RGS7: variants seen among roughly 807,000 people sequenced by gnomAD.
RGS7 encodes regulator of G protein signaling 7, also known as regulator of G-protein signaling 7.
In RGS7, 27 loss-of-function variants were observed where a neutral mutation model predicts 81.1. The ratio of observed to expected loss-of-function variants is 0.33; its 90% CI spans 0.25 to 0.46. RGS7 has a LOEUF of 0.46. Ranked by LOEUF, RGS7 falls within the 20% of genes least tolerant of loss-of-function variation. The pLI, the probability that RGS7 is intolerant of heterozygous loss-of-function variation, is 1.00. For missense variants in RGS7, 396 were observed against 607.4 expected (o/e 0.65, Z 3.66); for synonymous variants, 208 against 207.7 (o/e 1.00, Z -0.01).
intron 3 of RGS7, among the ~76,000 whole-genome samples, chr1:241,071,688 A>G (rs1287116164): frequency 6.6e-6 from 1 of 151,710 alleles, no homozygotes; most frequent in African/African-American, 2.4e-5. Flanking sequence ...ATTTTAAGGT[A>G]TAATTTTACT....
chr1:240,967,569 G>C lies in RGS7; in HGVS notation c.226+15510C>G, dbSNP rs1017815515. Among the ~76,000 whole-genome samples the C allele has an allele frequency of 7.3e-5, 7 of 96,032 alleles. No homozygotes were observed. The South Asian group carries it at 1.8e-3, about 24-fold the overall frequency. The allele number at this position is 96,032 out of a possible 152,430, so 63.0% of individuals were successfully genotyped here. ...GGTCAAAGTGATTGTGCCAAGAAGT[G>C]GGGGGGGGGGGGAAAAGGCTGTAGC... On this transcript the variant is annotated intron_variant, in intron 4 of 18. Coordinates refer to ENST00000440928, the MANE Select transcript of RGS7 (RefSeq NM_001364886.1).
intron 4 of RGS7, among the ~76,000 whole-genome samples, chr1:240,980,051 T>C (rs1036229898): frequency 1.3e-5 from 2 of 152,308 alleles, no homozygotes; most frequent in East Asian, 1.9e-4. Flanking sequence ...ATTATACATA[T>C]ATGTAAACTA....
At chr1:241,222,867 A>G (rs1337766466) in intron 2 of RGS7, among the ~76,000 whole-genome samples, 1 of 117,414 alleles carries the variant, frequency 8.5e-6, no homozygotes, top group Non-Finnish European at 1.6e-5. Flanking sequence ...CCCTATGTCC[A>G]TGTGTTCTCA....
At chr1:241,059,051 T>C (rs2061615993) in intron 3 of RGS7, among the ~76,000 whole-genome samples, 2 of 152,194 alleles carry the variant, frequency 1.3e-5, no homozygotes, top group Non-Finnish European at 2.9e-5. Flanking sequence ...TCTAATATTG[T>C]TAACTATCCC....
At chr1:241,024,722 G>C (rs920788206) in intron 3 of RGS7, among the ~76,000 whole-genome samples, 1 of 152,166 alleles carries the variant, frequency 6.6e-6, no homozygotes, top group East Asian at 1.9e-4. Flanking sequence ...ATTGTGGAGA[G>C]AGATGTATAT....
intron 3 of RGS7, among the ~76,000 whole-genome samples, chr1:240,997,216 A>G (rs1188611600): frequency 6.6e-6 from 1 of 151,872 alleles, no homozygotes; most frequent in Non-Finnish European, 1.5e-5. Flanking sequence ...GGCTCAAGTA[A>G]TTTTCCTATT....
At position 241,102,387 on chromosome 1, in the gene RGS7, G is replaced by A. The variant is rs113479017; in HGVS notation, c.79-3625C>T. 2.3e-3 allele frequency among the ~76,000 whole-genome samples: 352 copies of A among 152,252 alleles called. 2 individuals are homozygous for A. Among genetic ancestry groups the A allele is most frequent in the African/African-American group, 8.1e-3 (338 of 41,560 alleles). The stretch of plus-strand genomic sequence containing the variant: ...AGTTCATGGCCATGATGGGATGGGG[G>A]GTGGGACACACCTCGTTGTACCCCT... On this transcript the variant is annotated intron_variant, in intron 2 of 18. Coordinates refer to ENST00000440928, the MANE Select transcript of RGS7 (RefSeq NM_001364886.1).
intron 2 of RGS7, among the ~76,000 whole-genome samples, chr1:241,122,588 G>A (rs1285843268): frequency 1.3e-5 from 2 of 150,970 alleles, no homozygotes; most frequent in African/African-American, 2.4e-5. Context: ...CTTGAACCCC[G>A]AGAGGCAGAG....
chr1:241,345,926 G>T (rs2082868426), intron 2 of RGS7, among the ~76,000 whole-genome samples: 1 of 4,356 alleles, frequency 2.3e-4, no homozygotes, highest in Admixed American at 6.9e-3. Context: ...TGAGGCAGGA[G>T]AATCACTTGA....
intron 2 of RGS7, among the ~76,000 whole-genome samples, chr1:241,133,134 A>G (rs1042798764): frequency 6.6e-6 from 1 of 152,210 alleles, no homozygotes; most frequent in Non-Finnish European, 1.5e-5. Flanking sequence ...ATTGTATTGT[A>G]GTACATTGTA....
At chr1:241,094,331 G>A (rs1196250610) in intron 3 of RGS7, among the ~76,000 whole-genome samples, 1 of 152,018 alleles carries the variant, frequency 6.6e-6, no homozygotes, top group East Asian at 1.9e-4. Context: ...AAGCCCAGGG[G>A]AGAGAGCTGT....
intron 3 of RGS7, among the ~76,000 whole-genome samples, chr1:241,025,689 T>C (rs190443497): frequency 7.5e-6 from 1 of 132,540 alleles, no homozygotes; most frequent in East Asian, 2.0e-4. Context: ...AATGGGAAAT[T>C]CTAGAAGCTT....
intron 18 of RGS7, among the ~76,000 whole-genome samples, chr1:240,793,611 A>ATTTTTTTT (rs1205854418): frequency 1.0e-4 from 8 of 78,804 alleles, no homozygotes; most frequent in African/African-American, 5.8e-4. Context: ...ATATATATAT[A>ATTTTTTTT]TTTTTTTTTT....
At chr1:241,094,642 T>A (rs1013576506) in intron 3 of RGS7, among the ~76,000 whole-genome samples, 1 of 144,044 alleles carries the variant, frequency 6.9e-6, no homozygotes, top group Non-Finnish European at 1.5e-5. Context: ...CAAAGAAAAG[T>A]CTTAGATGTT....
chr1:240,860,464 T>C (rs1485040900), intron 9 of RGS7, among the ~76,000 whole-genome samples: 1 of 152,168 alleles, frequency 6.6e-6, no homozygotes, highest in African/African-American at 2.4e-5. Flanking sequence ...TATTCCTCTT[T>C]ATCTCTGATA....
At chr1:241,124,164 C>T (rs966791412) in intron 2 of RGS7, among the ~76,000 whole-genome samples, 6 of 151,082 alleles carry the variant, frequency 4.0e-5, no homozygotes, top group Non-Finnish European at 7.4e-5. Context: ...GAGGCCGAGG[C>T]GGGAGGACTG....
intron 11 of RGS7, among the ~76,000 whole-genome samples, chr1:240,815,064 G>T (rs569273985): frequency 1.5e-4 from 23 of 152,320 alleles, no homozygotes; most frequent in African/African-American, 5.3e-4. Context: ...TTTGCTGGGT[G>T]CAGTGGCTCA....
chr1:240,972,553 G>A (rs1254762504), intron 4 of RGS7, among the ~76,000 whole-genome samples: 46 of 96,966 alleles, frequency 4.7e-4, no homozygotes, highest in Admixed American at 7.0e-4. Flanking sequence ...TGGTGGGGTG[G>A]GGGGAGGGGG....
At chr1:241,124,115 T>G (rs1413301015) in intron 2 of RGS7, among the ~76,000 whole-genome samples, 2 of 151,824 alleles carry the variant, frequency 1.3e-5, no homozygotes, top group Admixed American at 1.3e-4. Flanking sequence ...AGAACCAGGA[T>G]GGGCATGGTA....
Sources: allele counts gnomAD v4.1 joint callset (sites outside exome capture counted in the v4.1 genomes callset), GRCh38; gene constraint gnomAD v4.1.1; transcripts MANE v1.5; gene names NCBI Gene and HGNC (gene_info 2026-07-23, HGNC 2026-07-21).